Variants in NUDT14 observed in about 807,000 individuals in gnomAD.
NUDT14 encodes the protein uridine diphosphate glucose pyrophosphatase NUDT14.
A neutral mutation model predicts 17.5 loss-of-function variants in NUDT14; 22 were observed. The observed-to-expected ratio is 1.26, with a 90% CI of 0.90 to 1.80. The LOEUF (loss-of-function observed/expected upper bound fraction) is 1.80. Ranked by LOEUF, NUDT14 falls within the 40% of genes most tolerant of loss-of-function variation. The pLI, the probability that NUDT14 is intolerant of heterozygous loss-of-function variation, is 0.00. For synonymous variants in NUDT14, 129 were observed against 125.8 expected (o/e 1.03, Z -0.17); for missense variants, 296 against 295.6 (o/e 1.00, Z -0.01).
At chr14:105,177,514 C>T (rs1286324391) in intron 2 of NUDT14, among the ~76,000 whole-genome samples, 178 bp downstream of exon 2, 1 of 152,238 alleles carries the variant, frequency 6.6e-6, no homozygotes, top group Non-Finnish European at 1.5e-5. Context: ...GCCCCCAGGC[C>T]TCAGGCTGAC....
At chr14:105,177,315 A>C (rs10139450) in intron 2 of NUDT14, 373,602 of 586,792 alleles carry the variant, frequency 0.64, 120,341 homozygotes, top group African/African-American at 0.78. Context: ...CTCGCAGCTG[A>C]GGCCGGGTGA....
In NUDT14 at chr14:105,177,042, AG is replaced by A. The variant is rs1889230645; in HGVS notation, c.126-16del. The A allele has an allele frequency of 6.2e-7, 1 of 1,607,932 alleles. No homozygotes were observed. The highest frequency in any genetic ancestry group is 8.5e-7 in the Non-Finnish European group (1 of 1,178,354). Reference sequence around the variant, plus strand: ...GAACGGTCACGCTGTGTACGGGGGGAGGGGCTCAGCACAGAAGCACTCCACT... The same window carrying A: ...GAACGGTCACGCTGTGTACGGGGGGAGGGCTCAGCACAGAAGCACTCCACT... On this transcript the variant is annotated splice_polypyrimidine_tract_variant and intron_variant, in intron 2 of 4. Transcript: ENST00000392568.
At chr14:105,175,853 T>C in intron 4 of NUDT14, 1 of 1,083,724 alleles carries the variant, frequency 9.2e-7, no homozygotes. Context: ...CTTCCGGTGC[T>C]TCTCCCAGTG....
chr14:105,177,394 C>T, intron 2 of NUDT14: 1 of 547,892 alleles, frequency 1.8e-6, no homozygotes, highest in South Asian at 2.0e-5. Context: ...CGTCGCCATC[C>T]AGCCCAGACC....
In NUDT14 at chr14:105,177,045, G is replaced by T; in HGVS notation, c.126-18C>A. On this transcript the variant is annotated intron_variant, in intron 2 of 4. Transcript: ENST00000392568. Reference sequence around the variant, plus strand: ...CGGTCACGCTGTGTACGGGGGGAGGGGCTCAGCACAGAAGCACTCCACTGG... The same window carrying T: ...CGGTCACGCTGTGTACGGGGGGAGGTGCTCAGCACAGAAGCACTCCACTGG... 1 of 1,609,478 alleles carries T rather than the reference G, an allele frequency of 6.2e-7. No homozygotes were observed. The highest frequency in any genetic ancestry group is 8.5e-7 in the Non-Finnish European group (1 of 1,178,984).
intron 4 of NUDT14, chr14:105,175,743 G>A: frequency 9.9e-7 from 1 of 1,007,460 alleles, no homozygotes; most frequent in Non-Finnish European, 1.2e-6. Flanking sequence ...CACCCATCCA[G>A]CCAGGAACGT....
At position 105,177,033 on chromosome 14, in the gene NUDT14, T is replaced by C; in HGVS notation, c.126-6A>G. 6.2e-7 allele frequency: 1 copy of C among 1,610,760 alleles called. No homozygotes were observed. Among genetic ancestry groups the C allele is most frequent in the Non-Finnish European group, 8.5e-7 (1 of 1,179,370 alleles). Reference sequence around the variant, plus strand: ...TGAATAAGAGAACGGTCACGCTGTGTACGGGGGGAGGGGCTCAGCACAGAA... The same window carrying C: ...TGAATAAGAGAACGGTCACGCTGTGCACGGGGGGAGGGGCTCAGCACAGAA... On this transcript the variant is annotated splice_region_variant and splice_polypyrimidine_tract_variant and intron_variant, in intron 2 of 4. Coordinates refer to ENST00000392568, the MANE Select transcript of NUDT14 (RefSeq NM_177533.5).
chr14:105,177,262 G>A (rs991422882), intron 2 of NUDT14: 7 of 645,044 alleles, frequency 1.1e-5, no homozygotes, highest in Non-Finnish European at 2.0e-5. Flanking sequence ...ATGGGAGGCG[G>A]GGGGCAGGGA....
At chr14:105,177,875 G>A in intron 1 of NUDT14, 140 bp from the exon 2 acceptor site, 1 of 707,486 alleles carries the variant, frequency 1.4e-6, no homozygotes, top group South Asian at 1.7e-5. Flanking sequence ...GCCAGGAACT[G>A]CAGCTCCCGT....
chr14:105,174,117 C>T (rs1215959268), intron 4 of NUDT14, among the ~76,000 whole-genome samples: 1 of 152,060 alleles, frequency 6.6e-6, no homozygotes, highest in African/African-American at 2.4e-5. Context: ...CAGTACCAGG[C>T]CCAGTGGCCC....
chr14:105,176,847 C>T (rs964302393), intron 3 of NUDT14, 76 bp from the exon 4 acceptor site: 9 of 1,559,470 alleles, frequency 5.8e-6, no homozygotes, highest in Admixed American at 5.0e-5. Flanking sequence ...GCCAAGCCCC[C>T]TCCCAGGGCC....
intron 2 of NUDT14, chr14:105,177,385 G>A (rs1320163206): frequency 7.3e-6 from 4 of 546,906 alleles, no homozygotes; most frequent in East Asian, 6.4e-5. Flanking sequence ...CTCGAGCCAC[G>A]TCGCCATCCA....
At position 105,177,712 on chromosome 14, in the gene NUDT14, G is replaced by C. The variant is rs1418558348; in HGVS notation, c.105C>G (p.Asp35Glu). ...CTCACCTGTCATGCGTCTTCATGAA[G>C]TCCCAGGACTTCTGGGCACCATTCT... ...YRQNGAQKSW[D>E]FMKTHDSVTV... is the part of the protein sequence containing the mutation. The change falls in exon 2 of 5, where the codon GAC (aspartate) becomes GAG (glutamate). Residue 35 changes from aspartate (D) to glutamate (E), a missense_variant. Physicochemically the swap from Asp to Glu is conservative, Grantham distance 45. Coordinates refer to ENST00000392568, the MANE Select transcript of NUDT14 (RefSeq NM_177533.5). The C allele has an allele frequency of 6.2e-7, 1 of 1,612,522 alleles. No homozygotes were observed. Among genetic ancestry groups the C allele is most frequent in the East Asian group, 2.2e-5 (1 of 44,864 alleles).
At chr14:105,175,530 T>C (rs1889195331) in intron 4 of NUDT14, 1 of 164,280 alleles carries the variant, frequency 6.1e-6, no homozygotes, top group African/African-American at 2.4e-5. Context: ...GTCTCCTGAG[T>C]AGCTGGAATT....
intron 4 of NUDT14, chr14:105,175,910 C>A: frequency 1.7e-6 from 2 of 1,207,602 alleles, no homozygotes; most frequent in Non-Finnish European, 2.1e-6. Context: ...TGGTGCTCAG[C>A]TGGTGGGGGT....
rs979636618 is a variant in NUDT14, at chr14:105,176,973, C to T, written c.180G>A (p.Gln60=). The T allele has an allele frequency of 3.1e-6, 5 of 1,612,014 alleles. No homozygotes were observed. Among genetic ancestry groups the T allele is most frequent in the Non-Finnish European group, 4.2e-6 (5 of 1,179,772 alleles). Residue 60 remains glutamine (Q), a synonymous_variant, in exon 3 of 5, where the codon CAG becomes CAA. Coordinates refer to ENST00000392568, the MANE Select transcript of NUDT14 (RefSeq NM_177533.5). ...SSRRSLVLVK[Q]FRPAVYAGEV... ...CCCAGCTGGCCTCACCTGGCCGGAA[C>T]TGCTTCACCAACACCAGGCTCCTCC...
At chr14:105,180,696 C>T (rs1889307566) in intron 1 of NUDT14, among the ~76,000 whole-genome samples, 1 of 152,154 alleles carries the variant, frequency 6.6e-6, no homozygotes, top group South Asian at 2.1e-4. Flanking sequence ...TCAGCTCCTT[C>T]TCCTACCTCC....
At chr14:105,177,662 C>T in intron 2 of NUDT14, 30 bp downstream of exon 2, 1 of 1,609,480 alleles carries the variant, frequency 6.2e-7, no homozygotes, top group Non-Finnish European at 8.5e-7. Flanking sequence ...CTGGGGCTTC[C>T]CCAGTGGCCA....
intron 1 of NUDT14, among the ~76,000 whole-genome samples, chr14:105,178,377 G>C (rs1177071291): frequency 1.3e-5 from 2 of 152,060 alleles, no homozygotes; most frequent in Non-Finnish European, 2.9e-5. Flanking sequence ...CCCAGTTTCT[G>C]GCCTCGACTC....
Sources: gnomAD v4.1 joint callset for allele counts (sites outside exome capture counted in the v4.1 genomes callset) on GRCh38, gnomAD v4.1.1 for gene constraint, MANE v1.5 for transcripts, NCBI Gene and HGNC (gene_info 2026-07-23, HGNC 2026-07-21) for gene names.